Variants in STX2 observed in about 807,000 individuals in gnomAD.
STX2 encodes syntaxin 2, also known as syntaxin-2.
STX2 carries 27 observed loss-of-function variants against 40.6 expected under a neutral mutation model. The ratio of observed to expected loss-of-function variants is 0.66; its 90% CI spans 0.49 to 0.92. The LOEUF (loss-of-function observed/expected upper bound fraction) is 0.92, where lower values mean the gene tolerates loss of function less well. Among genes scored for constraint, STX2 ranks in the 40% least tolerant of loss-of-function variants. The probability of loss-of-function intolerance (pLI) is 0.00; values close to 1 mark genes in which losing one functional copy is unlikely to be tolerated. For synonymous variants in STX2, 123 were observed against 119.1 expected (o/e 1.03, Z -0.22); for missense variants, 328 against 366.1 (o/e 0.90, Z 0.85).
chr12:130,832,261 T>G (rs1197705931), intron 1 of STX2, among the ~76,000 whole-genome samples: 2 of 152,106 alleles, frequency 1.3e-5, no homozygotes, highest in Non-Finnish European at 2.9e-5. Context: ...TTCAACCTCA[T>G]ACATTCATCT....
chr12:130,813,063 CA>C (rs1951721278), intron 3 of STX2, 32 bp from the exon 4 acceptor site: 10 of 1,292,074 alleles, frequency 7.7e-6, no homozygotes, highest in Non-Finnish European at 1.0e-5. Flanking sequence ...AAATAAAATA[CA>C]GCATCTGAGC....
At chr12:130,809,893 C>T (rs189322806) in intron 4 of STX2, among the ~76,000 whole-genome samples, 3 of 152,252 alleles carry the variant, frequency 2.0e-5, no homozygotes, top group East Asian at 1.9e-4. Flanking sequence ...GACACAGTGG[C>T]GTGTACCTGT....
intron 3 of STX2, among the ~76,000 whole-genome samples, chr12:130,815,166 G>C (rs1046767090): frequency 6.6e-6 from 1 of 152,206 alleles, no homozygotes; most frequent in East Asian, 1.9e-4. Flanking sequence ...GGGTCATTTC[G>C]TGATTCTCCT....
chr12:130,797,396 A>G (rs888830990), intron 9 of STX2, among the ~76,000 whole-genome samples: 2 of 152,226 alleles, frequency 1.3e-5, no homozygotes, highest in African/African-American at 4.8e-5. Flanking sequence ...ATGAAATAAC[A>G]TGAGAAACCA....
chr12:130,798,754 G>T, intron 8 of STX2, 119 bp from the exon 9 acceptor site: 1 of 628,526 alleles, frequency 1.6e-6, no homozygotes. Flanking sequence ...TGGATACTGA[G>T]GGTTTTTTTC....
chr12:130,819,913 A>G (rs906598562), intron 3 of STX2, among the ~76,000 whole-genome samples: 1 of 152,228 alleles, frequency 6.6e-6, no homozygotes, highest in Non-Finnish European at 1.5e-5. Context: ...GCGGCTCCAG[A>G]AACATTTTGG....
intron 1 of STX2, among the ~76,000 whole-genome samples, chr12:130,830,543 T>A (rs1310752259): frequency 2.6e-5 from 4 of 152,272 alleles, no homozygotes; most frequent in African/African-American, 7.2e-5. Flanking sequence ...AAGATCCACA[T>A]GACTGGAATA....
rs1162713111 is a variant in STX2 at position 130,808,635 on chromosome 12, G to A, written c.350C>T (p.Thr117Ile). 6.2e-7 allele frequency: 1 copy of A among 1,612,836 alleles called. No individual in the cohort carries two copies. Residue 117 changes from threonine (T) to isoleucine (I), a missense_variant, in exon 5 of 11, where the codon ACC becomes ATC. Physicochemically the swap from Thr to Ile is moderately conservative, Grantham distance 89. Transcript: ENST00000392373. ...RTSVDLRIRR[T>I]QHSVLSRKFV... ...TAAACGAGGCTGATAGCAAACCTGG[G>A]TTCTTCGTATCCGAAGATCCACTGA... is the stretch of plus-strand genomic sequence containing the variant.
At position 130,801,145 on chromosome 12, in the gene STX2, G is replaced by GT. The variant is rs1309486272; in HGVS notation, c.675+7dup. ...TCTCTCTTGGAGAATGCAAGAGTCT[G>GT]TAACTACCTGAGTCTCCACAAACAT... On this transcript the variant is annotated splice_region_variant and intron_variant, in intron 8 of 10. Coordinates refer to ENST00000392373, the MANE Select transcript of STX2 (RefSeq NM_194356.4). 2 of 1,608,422 alleles carry GT rather than the reference G, an allele frequency of 1.2e-6. No homozygotes were observed. The highest frequency in any genetic ancestry group is 1.7e-6 in the Non-Finnish European group (2 of 1,176,262).
chr12:130,818,185 A>AAAAAAAAT, intron 3 of STX2, among the ~76,000 whole-genome samples: 6 of 70,586 alleles, frequency 8.5e-5, no homozygotes, highest in African/African-American at 2.4e-4. Flanking sequence ...AAAAAAAAAA[A>AAAAAAAAT]ATATATATAT....
chr12:130,820,936 C>T (rs1343781339), intron 3 of STX2, among the ~76,000 whole-genome samples: 1 of 152,158 alleles, frequency 6.6e-6, no homozygotes, highest in Non-Finnish European at 1.5e-5. Flanking sequence ...TGCTCAGATC[C>T]ATGTCCCCTG....
chr12:130,824,372 G>A (rs191545541), intron 2 of STX2, among the ~76,000 whole-genome samples: 2 of 152,244 alleles, frequency 1.3e-5, no homozygotes, highest in Admixed American at 6.5e-5. Flanking sequence ...GTGACAGAGC[G>A]AGGCTCCGTC....
chr12:130,818,181 AAAAAATATATATATATAT>A lies in STX2; in HGVS notation c.205+3490_205+3507del, dbSNP rs1370581495. On this transcript the variant is annotated intron_variant, in intron 3 of 10. Coordinates refer to ENST00000392373, the MANE Select transcript of STX2 (RefSeq NM_194356.4). The stretch of plus-strand genomic sequence containing the variant: ...AAACGCTGTTTCTACAAAAAAAAAA[AAAAAATATATATATATAT>A]ATATATATATATATATATAAAATTA... Among the ~76,000 whole-genome samples, 52 of 20,192 alleles carry A rather than the reference AAAAAATATATATATATAT, an allele frequency of 2.6e-3. 3 individuals carry two copies. Among genetic ancestry groups the A allele is most frequent in the African/African-American group, 9.4e-3 (52 of 5,504 alleles). 13.2% of individuals were successfully genotyped at this position (20,192 alleles called of 152,430 possible).
chr12:130,818,185 A>AAAAAAAAAAAAAAAAATATAT, intron 3 of STX2, among the ~76,000 whole-genome samples: 2 of 70,588 alleles, frequency 2.8e-5, no homozygotes, highest in South Asian at 3.7e-4. Context: ...AAAAAAAAAA[A>AAAAAAAAAAAAAAAAATATAT]ATATATATAT....
At chr12:130,808,495 A>G (rs1354076161) in intron 5 of STX2, 136 bp downstream of exon 5, 6 of 832,246 alleles carry the variant, frequency 7.2e-6, no homozygotes, top group Non-Finnish European at 1.1e-5. Context: ...GTTTTACAAT[A>G]CTATATTATT....
At chr12:130,814,070 T>C (rs1318342464) in intron 3 of STX2, among the ~76,000 whole-genome samples, 3 of 152,116 alleles carry the variant, frequency 2.0e-5, no homozygotes, top group Non-Finnish European at 4.4e-5. Context: ...GTGTGCTAAG[T>C]CTTCTTTCCA....
intron 8 of STX2, among the ~76,000 whole-genome samples, chr12:130,799,160 C>T (rs1406744350): frequency 5.9e-5 from 9 of 152,202 alleles, no homozygotes; most frequent in African/African-American, 9.7e-5. Context: ...AGGGAGGTAA[C>T]GTATTACCTG....
rs529160977 is a variant in STX2, at chr12:130,819,593, A to C, written c.205+2096T>G. Among the ~76,000 whole-genome samples the C allele has an allele frequency of 2.4e-4, 36 of 152,356 alleles. 1 individual carries two copies. In the South Asian group the frequency reaches 7.0e-3, roughly 30 times the overall value. On this transcript the variant is annotated intron_variant, in intron 3 of 10. Transcript: ENST00000392373. ...TACTCAAAAAATAGTTCTCTCTGCTATGACTTGGCAGCAAAAATGTTTTGG... is the reference window on the plus strand; with the variant it reads ...TACTCAAAAAATAGTTCTCTCTGCTCTGACTTGGCAGCAAAAATGTTTTGG...
chr12:130,837,276 GT>G (rs940606121), intron 1 of STX2, among the ~76,000 whole-genome samples: 2 of 151,842 alleles, frequency 1.3e-5, no homozygotes, highest in African/African-American at 4.8e-5. Flanking sequence ...CACCTGGATA[GT>G]TTTTTTGTGC....
Sources: gnomAD v4.1 joint callset for allele counts (sites outside exome capture counted in the v4.1 genomes callset) on GRCh38, gnomAD v4.1.1 for gene constraint, MANE v1.5 for transcripts, NCBI Gene and HGNC (gene_info 2026-07-23, HGNC 2026-07-21) for gene names.